Variants in ERN2 observed in about 807,000 individuals in gnomAD.
The protein encoded by ERN2 is endoplasmic reticulum to nucleus signaling 2, also known as serine/threonine-protein kinase/endoribonuclease IRE2.
A neutral mutation model predicts 107.9 loss-of-function variants in ERN2; 111 were observed. The observed-to-expected ratio is 1.03, with a 90% CI of 0.88 to 1.20. The LOEUF is 1.20. ERN2 is among the 50% of genes most tolerant of loss of function. The pLI is 0.00. For synonymous variants in ERN2, 524 were observed against 501.7 expected, an observed-to-expected ratio of 1.04 and a Z score of -0.59; for missense variants, 1,225 against 1,197.9, an observed-to-expected ratio of 1.02 and a Z score of -0.33.
At position 23,692,208 on chromosome 16, in the gene ERN2, CCAGACAGGG is replaced by C; in HGVS notation, c.2215_2223del (p.Pro739_Leu741del). Reference sequence around the variant, plus strand: ...CCGTGGACCTCTTCCTCCAGGTGAGCCAGACAGGGAGCCCCTGTGAGGATGTTTGCCTGG... The same window carrying C: ...CCGTGGACCTCTTCCTCCAGGTGAGCAGCCCCTGTGAGGATGTTTGCCTGG... On this transcript the variant is annotated inframe_deletion, in exon 18 of 22. Transcript: ENST00000256797. 2 of 1,614,132 alleles carry C rather than the reference CCAGACAGGG, an allele frequency of 1.2e-6. No homozygotes were observed. Among genetic ancestry groups the C allele is most frequent in the Non-Finnish European group, 1.7e-6 (2 of 1,180,034 alleles).
chr16:23,690,603 C>T lies in ERN2; in HGVS notation c.*228G>A, dbSNP rs932723550. 5 of 556,950 alleles carry T rather than the reference C, an allele frequency of 9.0e-6. No homozygotes were observed. The highest frequency in any genetic ancestry group is 5.7e-5 in the African/African-American group (3 of 53,032). The allele number at this position is 556,950 out of a possible 1,614,324, so 34.5% of individuals were successfully genotyped here. On this transcript the variant is annotated 3_prime_UTR_variant, in exon 22 of 22. Coordinates refer to ENST00000256797, the MANE Select transcript of ERN2 (RefSeq NM_033266.4). ...CCAAGCAGCTGGGACTACAGGCGTG[C>T]GCCACCATGCCTGGCTAATTTTACA...
chr16:23,695,905 A>G lies in ERN2; in HGVS notation c.1599T>C (p.Thr533=), dbSNP rs1416664698. 2 of 1,613,978 alleles carry G rather than the reference A, an allele frequency of 1.2e-6. No individual in the cohort carries two copies. The highest frequency in any genetic ancestry group is 3.3e-5 in the Admixed American group (2 of 60,018). The change falls in exon 14 of 22, where the codon ACT becomes ACC. Residue 533 remains threonine (T), a synonymous_variant. Transcript: ENST00000256797. The part of the protein sequence containing the change: ...KDVLGRGAGG[T]FVFRGQFEGR... ...TGGCTGCCACTCACCGGAAAACGAA[A>G]GTCCCGCCTGCCCCGCGGCCCAGCA...
Position 23,705,157 on chromosome 16 carries a change from A to G in ERN2, c.590-10T>C. On this transcript the variant is annotated splice_polypyrimidine_tract_variant and intron_variant, in intron 7 of 21. Coordinates refer to ENST00000256797, the MANE Select transcript of ERN2 (RefSeq NM_033266.4). ...GCCAGGTGGCTCATGTCTGCCGAGA[A>G]AGGTGGCTGGGGAGATGTGGTTGGA... 1 of 1,610,012 alleles carries G rather than the reference A, an allele frequency of 6.2e-7. No individual in the cohort carries two copies. The highest frequency in any genetic ancestry group is 8.5e-7 in the Non-Finnish European group (1 of 1,176,668).
chr16:23,694,564 G>A (rs1959721672), intron 17 of ERN2, among the ~76,000 whole-genome samples, 164 bp downstream of exon 17: 1 of 152,224 alleles, frequency 6.6e-6, no homozygotes, highest in South Asian at 2.1e-4. Flanking sequence ...TGCTGTAGAA[G>A]GAGGGACAAA....
chr16:23,696,288 C>T (rs1286147320), intron 13 of ERN2, among the ~76,000 whole-genome samples: 3 of 152,182 alleles, frequency 2.0e-5, no homozygotes, highest in South Asian at 2.1e-4. Flanking sequence ...ATGGAAAGAA[C>T]GGGTGGAGGT....
At position 23,706,344 on chromosome 16, in the gene ERN2, C is replaced by A; in HGVS notation, c.575G>T (p.Gly192Val). ...YRRYSAPPMDGSPGKYMSHLA... is the reference protein window; with the variant it reads ...YRRYSAPPMDVSPGKYMSHLA... ...GTGGAACTCACATTTCCCAGGTGAG[C>A]CATCCATGGGGGGCGCTGAGTAGCG... is the stretch of plus-strand genomic sequence containing the variant. The change falls in exon 7 of 22, where the codon GGC (glycine) becomes GTC (valine). Residue 192 changes from glycine (G) to valine (V), a missense_variant. Physicochemically the swap from Gly to Val is moderately radical, Grantham distance 109. Coordinates refer to ENST00000256797, the MANE Select transcript of ERN2 (RefSeq NM_033266.4). The A allele has an allele frequency of 6.5e-7, 1 of 1,538,216 alleles. No individual in the cohort carries two copies. Among genetic ancestry groups the A allele is most frequent in the Non-Finnish European group, 8.7e-7 (1 of 1,146,374 alleles).
At chr16:23,707,380 G>T in intron 4 of ERN2, 1 of 392,062 alleles carries the variant, frequency 2.6e-6, no homozygotes, top group Non-Finnish European at 4.8e-6. Flanking sequence ...AAGGTATCAT[G>T]TGAGCCACTT....
At chr16:23,698,107 G>A (rs184165921) in intron 13 of ERN2, among the ~76,000 whole-genome samples, 4 of 152,288 alleles carry the variant, frequency 2.6e-5, no homozygotes, top group Admixed American at 2.6e-4. Flanking sequence ...GATGGACTTT[G>A]CTGCTGCTTC....
At chr16:23,710,467 C>T (rs531941458) in intron 3 of ERN2, 49 bp downstream of exon 3, 19 of 1,584,148 alleles carry the variant, frequency 1.2e-5, no homozygotes, top group Non-Finnish European at 1.6e-5. Context: ...AACTATGAGT[C>T]CCCCATCTCC....
At chr16:23,705,492 C>A (rs368302612) in intron 7 of ERN2, among the ~76,000 whole-genome samples, 4 of 151,434 alleles carry the variant, frequency 2.6e-5, no homozygotes, top group African/African-American at 9.7e-5. Context: ...TCAGTTGGGG[C>A]GAGTAGGTGA....
At chr16:23,704,637 G>A (rs1401644359) in intron 8 of ERN2, among the ~76,000 whole-genome samples, 3 of 152,254 alleles carry the variant, frequency 2.0e-5, no homozygotes, top group East Asian at 3.9e-4. Flanking sequence ...CACCCTCCTA[G>A]GCCAGATCTT....
At chr16:23,707,405 C>A in intron 4 of ERN2, 1 of 347,368 alleles carries the variant, frequency 2.9e-6, no homozygotes. Context: ...TCGGCCTGAC[C>A]TGACCACCTC....
chr16:23,695,572 A>C (rs1034474898), intron 14 of ERN2, among the ~76,000 whole-genome samples, 183 bp from the exon 15 acceptor site: 4 of 151,882 alleles, frequency 2.6e-5, no homozygotes, highest in African/African-American at 9.7e-5. Context: ...ACTAAAAAAA[A>C]TATAAAAATT....
At position 23,695,026 on chromosome 16, in the gene ERN2, T is replaced by A; in HGVS notation, c.1893A>T (p.Leu631Phe). The change falls in exon 16 of 22, where the codon TTA (leucine) becomes TTT (phenylalanine). Residue 631 changes from leucine to phenylalanine, a missense_variant. Physicochemically the swap from Leu to Phe is conservative, Grantham distance 22. Transcript: ENST00000256797. Reference protein sequence around the residue: ...LMSGLAHLHSLHIVHRDLKPG... With the variant: ...LMSGLAHLHSFHIVHRDLKPG... ...CAGGGGAAGTGCGGGTACCTATGTG[T>A]AAAGAGTGCAGGTGGGCCAGGCCAG... 6.2e-7 allele frequency: 1 copy of A among 1,613,386 alleles called. No homozygotes were observed. Among genetic ancestry groups the A allele is most frequent in the Non-Finnish European group, 8.5e-7 (1 of 1,179,706 alleles).
chr16:23,704,839 C>G (rs1960230060), intron 8 of ERN2, 44 bp downstream of exon 8: 1 of 1,590,562 alleles, frequency 6.3e-7, no homozygotes. Context: ...GGTTGCGACA[C>G]TCCCAGATGG....
In ERN2 at chr16:23,690,419, T is replaced by C. The variant is rs1959535664; in HGVS notation, c.*412A>G. Reference sequence around the variant, plus strand: ...CAGGGCCTGGGATCCAGCGAACATCTCTGCTTCATCAGCCCCAGGCTGCCC... The same window carrying C: ...CAGGGCCTGGGATCCAGCGAACATCCCTGCTTCATCAGCCCCAGGCTGCCC... On this transcript the variant is annotated 3_prime_UTR_variant, in exon 22 of 22. Transcript: ENST00000256797. The C allele has an allele frequency of 2.2e-6, 1 of 460,428 alleles. No homozygotes were observed. Among genetic ancestry groups the C allele is most frequent in the African/African-American group, 1.9e-5 (1 of 51,666 alleles). 28.5% of individuals were successfully genotyped at this position (460,428 alleles called of 1,614,324 possible).
intron 4 of ERN2, among the ~76,000 whole-genome samples, chr16:23,708,344 ATTC>A (rs1960406156): frequency 1.1e-5 from 1 of 87,966 alleles, no homozygotes; most frequent in African/African-American, 4.7e-5. Flanking sequence ...ATTTGGTGCT[ATTC>A]TTTTTTTTTT....
Position 23,702,476 on chromosome 16 carries a change from A to G in ERN2, c.995T>C (p.Val332Ala), listed in dbSNP as rs1236323374. Residue 332 changes from valine (V) to alanine (A), a missense_variant, in exon 10 of 22, where the codon GTC (valine) becomes GCC (alanine). Val to Ala is a moderately conservative substitution (Grantham distance 64). Transcript: ENST00000256797. ...GGGTGAGCCCTCTCGCTCTCCTGAG[A>G]CTTGGAGTGTCACCTCATCTGTGGT... is the stretch of plus-strand genomic sequence containing the variant. ...GPTTDEVTLQ[V>A]SGEREGSPST... The G allele has an allele frequency of 1.9e-6, 3 of 1,613,600 alleles. No homozygotes were observed. The highest frequency in any genetic ancestry group is 2.5e-6 in the Non-Finnish European group (3 of 1,180,004).
intron 14 of ERN2, among the ~76,000 whole-genome samples, 171 bp downstream of exon 14, chr16:23,695,722 CA>C (rs57103138): frequency 0.16 from 5,902 of 37,420 alleles, 79 homozygotes; most frequent in African/African-American, 0.22. Flanking sequence ...GAGCAAGACT[CA>C]AAAAAAAAAA....
Sources: gnomAD v4.1 joint callset for allele counts (sites outside exome capture counted in the v4.1 genomes callset) on GRCh38, gnomAD v4.1.1 for gene constraint, MANE v1.5 for transcripts, NCBI Gene and HGNC (gene_info 2026-07-23, HGNC 2026-07-21) for gene names.